Variants in PTPRT observed in about 807,000 individuals in gnomAD.
PTPRT encodes the protein protein tyrosine phosphatase receptor type T.
In PTPRT, 56 loss-of-function variants were observed where a neutral mutation model predicts 176.8. The observed-to-expected ratio is 0.32, with a 90% confidence interval of 0.26 to 0.40. The LOEUF (loss-of-function observed/expected upper bound fraction) is 0.40. Among genes scored for constraint, PTPRT ranks in the 10% least tolerant of loss-of-function variants. The pLI is 1.00. For missense variants in PTPRT, 1,540 were observed against 1,908.2 expected, an observed-to-expected ratio of 0.81 and a Z score of 3.60; for synonymous variants, 783 against 739.0, an observed-to-expected ratio of 1.06 and a Z score of -0.96.
chr20:43,027,586 G>T (rs972669160), intron 1 of PTPRT, among the ~76,000 whole-genome samples: 1 of 152,086 alleles, frequency 6.6e-6, no homozygotes, highest in Non-Finnish European at 1.5e-5. Flanking sequence ...TGGCACAGAA[G>T]AAAGACCACG....
chr20:42,977,273 A>G (rs1983008498), intron 1 of PTPRT, among the ~76,000 whole-genome samples: 1 of 152,170 alleles, frequency 6.6e-6, no homozygotes. Flanking sequence ...GAAGACCTAC[A>G]TTTGCTCCCA....
intron 1 of PTPRT, among the ~76,000 whole-genome samples, chr20:43,041,121 C>A (rs1003579108): frequency 3.3e-5 from 5 of 152,134 alleles, no homozygotes; most frequent in East Asian, 1.9e-4. Context: ...AGTTTGAGAC[C>A]GTCTCCAATC....
At chr20:42,372,176 T>C (rs950056277) in intron 9 of PTPRT, among the ~76,000 whole-genome samples, 5 of 151,534 alleles carry the variant, frequency 3.3e-5, no homozygotes, top group Non-Finnish European at 7.4e-5. Context: ...TGTTTCCAAG[T>C]GAAGGGAGAC....
intron 7 of PTPRT, among the ~76,000 whole-genome samples, chr20:42,597,477 T>A (rs2073691956): frequency 6.6e-6 from 1 of 152,162 alleles, no homozygotes; most frequent in South Asian, 2.1e-4. Context: ...GGTGACTGGA[T>A]CATGGAGGCA....
chr20:42,693,795 A>C (rs1460924077), intron 6 of PTPRT, among the ~76,000 whole-genome samples: 1 of 152,156 alleles, frequency 6.6e-6, no homozygotes, highest in African/African-American at 2.4e-5. Flanking sequence ...GGGTAGGCAA[A>C]CTATAATCCA....
intron 7 of PTPRT, among the ~76,000 whole-genome samples, chr20:42,657,992 T>G: frequency 6.6e-6 from 1 of 152,274 alleles, no homozygotes; most frequent in Non-Finnish European, 1.5e-5. Context: ...AAATTATCTT[T>G]TAACAGTTTT....
chr20:42,121,285 A>T (rs891092240), intron 19 of PTPRT, among the ~76,000 whole-genome samples: 5 of 152,242 alleles, frequency 3.3e-5, no homozygotes, highest in Non-Finnish European at 7.3e-5. Context: ...CAATGTCATG[A>T]CCAGAACTGT....
At chr20:42,810,781 A>G (rs931236999) in intron 2 of PTPRT, among the ~76,000 whole-genome samples, 3 of 152,236 alleles carry the variant, frequency 2.0e-5, no homozygotes, top group African/African-American at 4.8e-5. Context: ...TCACTTCCAC[A>G]TGGTGGAAAA....
At chr20:42,271,168 C>T (rs1223709599) in intron 13 of PTPRT, among the ~76,000 whole-genome samples, 1 of 152,126 alleles carries the variant, frequency 6.6e-6, no homozygotes, top group Non-Finnish European at 1.5e-5. Context: ...CTCCTGCCCA[C>T]CCCTCTGGTC....
chr20:42,819,433 GC>G (rs2077850603), intron 2 of PTPRT, among the ~76,000 whole-genome samples: 1 of 152,158 alleles, frequency 6.6e-6, no homozygotes, highest in Non-Finnish European at 1.5e-5. Flanking sequence ...ACAGGTACTA[GC>G]CACTGCAAAA....
At chr20:42,434,310 C>T (rs2059242254) in intron 9 of PTPRT, among the ~76,000 whole-genome samples, 1 of 149,780 alleles carries the variant, frequency 6.7e-6, no homozygotes, top group Admixed American at 6.7e-5. Flanking sequence ...TTAACCTTGA[C>T]TCAAGTTTGG....
At chr20:42,276,553 AT>A in intron 13 of PTPRT, among the ~76,000 whole-genome samples, 1 of 77,390 alleles carries the variant, frequency 1.3e-5, no homozygotes, top group African/African-American at 5.0e-5. Flanking sequence ...ATATATATAT[AT>A]ATATAATGTT....
At chr20:42,264,377 G>C (rs2056804296) in intron 13 of PTPRT, among the ~76,000 whole-genome samples, 1 of 152,168 alleles carries the variant, frequency 6.6e-6, no homozygotes, top group Non-Finnish European at 1.5e-5. Flanking sequence ...GTCAAGCTTT[G>C]AGCATCTGTT....
At chr20:43,127,181 T>C (rs928195730) in intron 1 of PTPRT, among the ~76,000 whole-genome samples, 6 of 151,978 alleles carry the variant, frequency 3.9e-5, no homozygotes, top group Non-Finnish European at 5.9e-5. Flanking sequence ...CCCAGCACTT[T>C]GGGAGGCAAA....
rs558825716 is a variant in PTPRT, at chr20:42,508,212, C to T, written c.1154-35650G>A. On this transcript the variant is annotated intron_variant, in intron 7 of 30. Coordinates refer to ENST00000373187, the MANE Select transcript of PTPRT (RefSeq NM_007050.6). ...TTTTAGATATGCAAAAAAAAAAAGA[C>T]TAAGGTAGAATACTCAAAATACTGT... 2.5e-3 allele frequency among the ~76,000 whole-genome samples: 374 copies of T among 148,150 alleles called. 3 individuals are homozygous for T. Among genetic ancestry groups the T allele is most frequent in the African/African-American group, 9.1e-3 (364 of 39,952 alleles).
chr20:42,427,438 G>A (rs1169106372), intron 9 of PTPRT, among the ~76,000 whole-genome samples: 1 of 152,156 alleles, frequency 6.6e-6, no homozygotes, highest in African/African-American at 2.4e-5. Flanking sequence ...GCTCACAATT[G>A]AGGTTGGGAA....
At chr20:42,261,592 C>T (rs1476160916) in intron 13 of PTPRT, among the ~76,000 whole-genome samples, 1 of 152,008 alleles carries the variant, frequency 6.6e-6, no homozygotes, top group Non-Finnish European at 1.5e-5. Context: ...GGGTTCACAG[C>T]CAAATGGACA....
the PTPRT span, among the ~76,000 whole-genome samples, chr20:42,062,690 C>T: frequency 6.6e-6 from 1 of 151,980 alleles, no homozygotes; most frequent in Admixed American, 6.5e-5. Context: ...CCCTTTTTTT[C>T]CCTGCAGGCA....
chr20:42,339,194 A>G (rs2145468050), intron 11 of PTPRT, among the ~76,000 whole-genome samples: 1 of 152,356 alleles, frequency 6.6e-6, no homozygotes, highest in Non-Finnish European at 1.5e-5. Context: ...CTCATCAAAC[A>G]TCCATCTTCT....
Sources: allele counts gnomAD v4.1 joint callset (sites outside exome capture counted in the v4.1 genomes callset), GRCh38; gene constraint gnomAD v4.1.1; transcripts MANE v1.5; gene names NCBI Gene and HGNC (gene_info 2026-07-23, HGNC 2026-07-21).